Variants in STRIP1 observed in about 807,000 individuals in gnomAD.
STRIP1 encodes the protein striatin-interacting protein 1.
Under a neutral mutation model 106.2 loss-of-function variants are expected in STRIP1, and 63 were observed. The ratio of observed to expected loss-of-function variants is 0.59; its 90% CI spans 0.48 to 0.73. The LOEUF (loss-of-function observed/expected upper bound fraction) is 0.73. Among genes scored for constraint, STRIP1 ranks in the 30% least tolerant of loss-of-function variants. The pLI is 0.00. For synonymous variants in STRIP1, 390 were observed against 413.0 expected (o/e 0.94, Z 0.67); for missense variants, 857 against 1,074.8 (o/e 0.80, Z 2.83).
intron 13 of STRIP1, among the ~76,000 whole-genome samples, chr1:110,047,275 G>A (rs1383750017): frequency 6.6e-6 from 1 of 152,168 alleles, no homozygotes; most frequent in Admixed American, 6.5e-5. Flanking sequence ...GGCAACTTAG[G>A]CAAGTTACTG....
Position 110,039,166 on chromosome 1 carries a change from C to T in STRIP1, c.326-6C>T, listed in dbSNP as rs746203727. ...GCTCAGGTGTAACTGGTTTCTTGCC[C>T]TGCAGTGACAGACAAGAAGTGGACT... On this transcript the variant is annotated splice_polypyrimidine_tract_variant and splice_region_variant and intron_variant, in intron 3 of 20. Transcript: ENST00000369795. 3 of 1,613,852 alleles carry T rather than the reference C, an allele frequency of 1.9e-6. No homozygotes were observed. The highest frequency in any genetic ancestry group is 2.2e-5 in the South Asian group (2 of 91,088).
chr1:110,034,527 C>A, upstream of STRIP1: 1 of 1,333,122 alleles, frequency 7.5e-7, no homozygotes, highest in East Asian at 3.1e-5. Flanking sequence ...GCTTCTAACA[C>A]TGGCCGCCAC....
At chr1:110,039,019 A>C in intron 3 of STRIP1, 153 bp from the exon 4 acceptor site, 1 of 932,244 alleles carries the variant, frequency 1.1e-6, no homozygotes. Flanking sequence ...TTGGAATCAA[A>C]TTCATAGAGC....
rs536087063 is a variant in STRIP1 at position 110,051,322 on chromosome 1, C to A, written c.2061+262C>A. Among the ~76,000 whole-genome samples the A allele has an allele frequency of 2.6e-4, 39 of 152,316 alleles. No individual in the cohort carries two copies. The South Asian group carries it at 3.7e-3, about 15-fold the overall frequency. On this transcript the variant is annotated intron_variant, in intron 19 of 20. Coordinates refer to ENST00000369795, the MANE Select transcript of STRIP1 (RefSeq NM_033088.4). ...TCTTAATCTTGATTGGTAACATAAT[C>A]AGGGTTCTGAGAATCTTCCTTAACT...
chr1:110,054,150 A>C lies in STRIP1; in HGVS notation c.*238A>C, dbSNP rs1570932653. The C allele has an allele frequency of 5.9e-6, 3 of 512,528 alleles. No homozygotes were observed. Among genetic ancestry groups the C allele is most frequent in the African/African-American group, 1.9e-5 (1 of 51,830 alleles). The allele number at this position is 512,528 out of a possible 1,614,324, so 31.7% of individuals were successfully genotyped here. The stretch of plus-strand genomic sequence containing the variant: ...GATCCATTCTTCCTTTACTTCCCCC[A>C]CCCTCCTCTCTTGGATATGGTTGGT... On this transcript the variant is annotated 3_prime_UTR_variant, in exon 21 of 21. Transcript: ENST00000369795.
Position 110,043,689 on chromosome 1 carries a change from C to A in STRIP1, c.1119C>A (p.Tyr373Ter). The A allele has an allele frequency of 6.2e-7, 1 of 1,614,146 alleles. No homozygotes were observed. The highest frequency in any genetic ancestry group is 8.5e-7 in the Non-Finnish European group (1 of 1,180,014). ...NLDAFNERDP[Y>*]KADDSREEEE... ...ATGCCTTCAACGAGCGGGATCCCTA[C>A]AAGGCTGATGACTCTCGAGAAGAGG... The change falls in exon 10 of 21, where the codon TAC becomes TAA. Residue 373 changes from tyrosine to a stop codon, truncating the protein, a stop_gained. Transcript: ENST00000369795. LOFTEE classifies it high-confidence loss of function.
At chr1:110,035,221 A>G (rs1369449590) in intron 1 of STRIP1, among the ~76,000 whole-genome samples, 1 of 152,046 alleles carries the variant, frequency 6.6e-6, no homozygotes, top group Non-Finnish European at 1.5e-5. Context: ...TGTCCCTGGC[A>G]CGCGGGCTCC....
At chr1:110,049,652 C>A in intron 17 of STRIP1, 92 bp downstream of exon 17, 1 of 890,044 alleles carries the variant, frequency 1.1e-6, no homozygotes, top group Non-Finnish European at 1.8e-6. Flanking sequence ...TTTCCAGCAC[C>A]TACGAGCCAG....
intron 19 of STRIP1, among the ~76,000 whole-genome samples, chr1:110,051,399 CTG>C (rs1653295300): frequency 6.6e-6 from 1 of 152,200 alleles, no homozygotes; most frequent in African/African-American, 2.4e-5. Context: ...CCTCTGATAA[CTG>C]TGTGTACATG....
chr1:110,050,091 G>A (rs1653221326), intron 17 of STRIP1: 1 of 502,264 alleles, frequency 2.0e-6, no homozygotes, highest in Admixed American at 3.5e-5. Context: ...TGTGGGGGAA[G>A]CTGTGAGGGT....
chr1:110,048,140 A>G (rs1175639001), intron 15 of STRIP1: 7 of 422,154 alleles, frequency 1.7e-5, no homozygotes, highest in Non-Finnish European at 3.1e-5. Flanking sequence ...TGTAAAATGA[A>G]TGGGGCCACC....
intron 13 of STRIP1, among the ~76,000 whole-genome samples, chr1:110,047,197 T>G (rs753995991): frequency 6.6e-6 from 1 of 152,144 alleles, no homozygotes; most frequent in Non-Finnish European, 1.5e-5. Context: ...ACACGTCTAG[T>G]GCAGGGTTAA....
chr1:110,051,602 G>A lies in STRIP1; in HGVS notation c.2062-81G>A. On this transcript the variant is annotated intron_variant, in intron 19 of 20. Transcript: ENST00000369795. ...TGTCACCCTGACAGTAACTTCCAAA[G>A]GGTTAAGCAGCAGTGTGACCTGGGA... 4 of 1,391,514 alleles carry A rather than the reference G, an allele frequency of 2.9e-6. No individual in the cohort carries two copies. In the South Asian group the frequency reaches 5.1e-5, roughly 18 times the overall value. The allele number at this position is 1,391,514 out of a possible 1,614,324, so 86.2% of individuals were successfully genotyped here.
upstream of STRIP1, chr1:110,034,471 G>T: frequency 1.4e-6 from 1 of 692,098 alleles, no homozygotes; most frequent in Non-Finnish European, 2.2e-6. Flanking sequence ...ATCAACAAGG[G>T]AAGGACTGCA....
At chr1:110,039,353 A>G (rs1219014339) in intron 4 of STRIP1, 42 bp from the exon 5 acceptor site, 1 of 1,613,870 alleles carries the variant, frequency 6.2e-7, no homozygotes, top group Non-Finnish European at 8.5e-7. Flanking sequence ...CTGCCCACTC[A>G]GATGCAGGGA....
Position 110,043,838 on chromosome 1 carries a change from C to T in STRIP1, c.1268C>T (p.Pro423Leu), listed in dbSNP as rs1652892654. 4 of 1,613,868 alleles carry T rather than the reference C, an allele frequency of 2.5e-6. No homozygotes were observed. The highest frequency in any genetic ancestry group is 3.4e-6 in the Non-Finnish European group (4 of 1,180,022). ...AGGCTGACTTGCCCCAAAGGGCTCC[C>T]GTGGGCTCCCAAGGTCAGGTGAGTC... is the stretch of plus-strand genomic sequence containing the variant. ...TDRLTCPKGL[P>L]WAPKVREKDI... The change falls in exon 10 of 21, where the codon CCG (proline) becomes CTG (leucine). Residue 423 changes from proline to leucine, a missense_variant. Physicochemically the swap from Pro to Leu is moderately conservative, Grantham distance 98. Transcript: ENST00000369795.
intron 6 of STRIP1, 179 bp from the exon 7 acceptor site, chr1:110,041,354 GTTT>G: frequency 1.8e-6 from 1 of 559,336 alleles, no homozygotes; most frequent in South Asian, 2.1e-5. Flanking sequence ...CACCTCTGTG[GTTT>G]TTTTCTTTTC....
chr1:110,032,787 C>A (rs535740547), upstream of STRIP1, among the ~76,000 whole-genome samples: 1 of 152,348 alleles, frequency 6.6e-6, no homozygotes, highest in Admixed American at 6.5e-5. Flanking sequence ...GCACCATCAT[C>A]TCCATCTACA....
Position 110,054,143 on chromosome 1 carries a change from T to G in STRIP1, c.*231T>G. On this transcript the variant is annotated 3_prime_UTR_variant, in exon 21 of 21. Transcript: ENST00000369795. ...TGCCTGAGATCCATTCTTCCTTTACTTCCCCCACCCTCCTCTCTTGGATAT... is the reference window on the plus strand; with the variant it reads ...TGCCTGAGATCCATTCTTCCTTTACGTCCCCCACCCTCCTCTCTTGGATAT... 2 of 535,532 alleles carry G rather than the reference T, an allele frequency of 3.7e-6. No homozygotes were observed. The highest frequency in any genetic ancestry group is 6.7e-6 in the Non-Finnish European group (2 of 297,938). The allele number at this position is 535,532 out of a possible 1,614,324, so 33.2% of individuals were successfully genotyped here.
Sources: allele counts gnomAD v4.1 joint callset (sites outside exome capture counted in the v4.1 genomes callset), GRCh38; gene constraint gnomAD v4.1.1; transcripts MANE v1.5; gene names NCBI Gene and HGNC (gene_info 2026-07-23, HGNC 2026-07-21).